Variants in LDHA observed in about 807,000 individuals in gnomAD.
LDHA encodes the protein lactate dehydrogenase A.
LDHA carries 10 observed loss-of-function variants against 36.3 expected under a neutral mutation model. The ratio of observed to expected loss-of-function variants is 0.28; its 90% CI spans 0.17 to 0.47. LDHA has a LOEUF of 0.47. Among genes scored for constraint, LDHA ranks in the 20% least tolerant of loss-of-function variants. The pLI is 0.99. For missense variants in LDHA, 267 were observed against 405.8 expected (o/e 0.66, Z 2.94); for synonymous variants, 110 against 136.7 (o/e 0.80, Z 1.36).
chr11:18,401,955 C>CTCTCTTTTTTTTTTTT (rs59534512), intron 4 of LDHA, among the ~76,000 whole-genome samples: 990 of 52,224 alleles, frequency 0.019, 199 homozygotes, highest in East Asian at 0.039. Flanking sequence ...TTGTTATTCT[C>CTCTCTTTTTTTTTTTT]TTTTTTTTTT....
chr11:18,402,646 G>A, intron 4 of LDHA, 194 bp from the exon 5 acceptor site: 1 of 573,988 alleles, frequency 1.7e-6, no homozygotes, highest in South Asian at 1.9e-5. Context: ...TAGTGTAGAG[G>A]CTTAAAAATA....
In LDHA at chr11:18,396,683, T is replaced by C. The variant is rs534381501; in HGVS notation, c.-24-136T>C. 21 of 1,368,148 alleles carry C rather than the reference T, an allele frequency of 1.5e-5. No homozygotes were observed. In the South Asian group the frequency reaches 3.0e-4, roughly 19 times the overall value. The allele number at this position is 1,368,148 out of a possible 1,614,324, so 84.8% of individuals were successfully genotyped here. On this transcript the variant is annotated intron_variant, in intron 1 of 7. Coordinates refer to ENST00000422447, the MANE Select transcript of LDHA (RefSeq NM_005566.4). Reference sequence around the variant, plus strand: ...CTCTTTTGGCAACCATTAGGTTTTTTCCCCTCCCTTTTTAGTCATCTCTAG... The same window carrying C: ...CTCTTTTGGCAACCATTAGGTTTTTCCCCCTCCCTTTTTAGTCATCTCTAG...
intron 2 of LDHA, chr11:18,399,225 G>A (rs747525711): frequency 1.9e-6 from 1 of 534,248 alleles, no homozygotes. Flanking sequence ...GGGAGACAGG[G>A]CTGGAGAGAG....
At chr11:18,394,940 T>C (rs1866240357) in intron 1 of LDHA, 2 of 345,788 alleles carry the variant, frequency 5.8e-6, no homozygotes, top group African/African-American at 2.2e-5. Context: ...AACAAGGATA[T>C]GATAGGCCTT....
In LDHA at chr11:18,394,723, G is replaced by C. The variant is rs1168536537; in HGVS notation, c.-25+87G>C. 4 of 448,470 alleles carry C rather than the reference G, an allele frequency of 8.9e-6. 1 individual carries two copies. The highest frequency in any genetic ancestry group is 1.8e-5 in the Non-Finnish European group (4 of 222,492). The allele number at this position is 448,470 out of a possible 1,614,324, so 27.8% of individuals were successfully genotyped here. A position where few individuals can be genotyped will look rare whatever the true frequency, so the allele number is the denominator to read the frequency against. On this transcript the variant is annotated intron_variant, in intron 1 of 7. Coordinates refer to ENST00000422447, the MANE Select transcript of LDHA (RefSeq NM_005566.4). Reference sequence around the variant, plus strand: ...GGTTCTGCTGGCCTCCGCTGCTCGCGAAGGGATTCCTGCTCCCGGGAGGTG... The same window carrying C: ...GGTTCTGCTGGCCTCCGCTGCTCGCCAAGGGATTCCTGCTCCCGGGAGGTG...
chr11:18,408,423 T>G lies in LDHA; in HGVS notation c.*1142T>G, dbSNP rs561993066. On this transcript the variant is annotated 3_prime_UTR_variant, in exon 8 of 8. Transcript: ENST00000422447. ...TTTTCTGAAAATACAACTGTGACCC[T>G]TATCCAGGCCTGAAAACCATACTTG... The G allele has an allele frequency of 2.4e-5, 8 of 330,542 alleles. No individual in the cohort carries two copies. Among genetic ancestry groups the G allele is most frequent in the Admixed American group, 1.7e-4 (4 of 23,946 alleles). The allele number at this position is 330,542 out of a possible 1,614,324, so 20.5% of individuals were successfully genotyped here. A position where few individuals can be genotyped will look rare whatever the true frequency, so the allele number is the denominator to read the frequency against.
At chr11:18,404,872 CTTGT>C (rs1368906487) in intron 6 of LDHA, among the ~76,000 whole-genome samples, 1 of 151,854 alleles carries the variant, frequency 6.6e-6, no homozygotes, top group African/African-American at 2.4e-5. Context: ...GCAAGGCCCT[CTTGT>C]TTGTATTTGT....
rs554551193 is a variant in LDHA, at chr11:18,402,103, G to A, written c.419-737G>A. On this transcript the variant is annotated intron_variant, in intron 4 of 7. Transcript: ENST00000422447. ...TCCCAAGAGCTGGGATTACAGGCAC[G>A]TGCCACCATGCTCGGCTAATTTTTG... Among the ~76,000 whole-genome samples the A allele has an allele frequency of 2.5e-4, 38 of 151,386 alleles. 1 individual carries two copies. The highest frequency in any genetic ancestry group is 1.0e-3 in the South Asian group (5 of 4,790).
chr11:18,401,105 T>C, intron 4 of LDHA, 95 bp downstream of exon 4: 1 of 486,054 alleles, frequency 2.1e-6, no homozygotes, highest in Non-Finnish European at 3.1e-6. Context: ...TTTGAAATAT[T>C]TTAAAAAATA....
Position 18,403,763 on chromosome 11 carries a change from A to C in LDHA, c.662A>C (p.Asp221Ala), listed in dbSNP as rs1866579620. The change falls in exon 6 of 8, where the codon GAT (aspartate) becomes GCT (alanine). Residue 221 changes from aspartate to alanine, a missense_variant. Coordinates refer to ENST00000422447, the MANE Select transcript of LDHA (RefSeq NM_005566.4). The stretch of plus-strand genomic sequence containing the variant: ...ACTCTGCACCCAGATTTAGGGACTG[A>C]TAAAGATAAGGAACAGTGGAAAGAG... ...LKTLHPDLGT[D>A]KDKEQWKEVH... 1 of 1,611,462 alleles carries C rather than the reference A, an allele frequency of 6.2e-7. No homozygotes were observed. The highest frequency in any genetic ancestry group is 1.3e-5 in the African/African-American group (1 of 74,898).
chr11:18,402,896 A>G lies in LDHA; in HGVS notation c.475A>G (p.Ile159Val). ...KISGFPKNRV[I>V]GSGCNLDSAR... Reference sequence around the variant, plus strand: ...AAGTGGTTTTCCCAAAAACCGTGTTATTGGAAGCGGTTGCAATCTGGATTC... The same window carrying G: ...AAGTGGTTTTCCCAAAAACCGTGTTGTTGGAAGCGGTTGCAATCTGGATTC... The change falls in exon 5 of 8, where the codon ATT becomes GTT. Residue 159 changes from isoleucine (I) to valine (V), a missense_variant. Physicochemically the swap from Ile to Val is conservative, Grantham distance 29. Coordinates refer to ENST00000422447, the MANE Select transcript of LDHA (RefSeq NM_005566.4). 3 of 1,611,112 alleles carry G rather than the reference A, an allele frequency of 1.9e-6. No homozygotes were observed. Among genetic ancestry groups the G allele is most frequent in the Non-Finnish European group, 2.5e-6 (3 of 1,177,324 alleles).
In LDHA at chr11:18,408,150, G is replaced by A. The variant is rs1160178759; in HGVS notation, c.*869G>A. Reference sequence around the variant, plus strand: ...TAGGCAATGATAGTGTGTCACTATAGGGAACACAGATTTTTGAGATCTTGT... The same window carrying A: ...TAGGCAATGATAGTGTGTCACTATAAGGAACACAGATTTTTGAGATCTTGT... On this transcript the variant is annotated 3_prime_UTR_variant, in exon 8 of 8. Coordinates refer to ENST00000422447, the MANE Select transcript of LDHA (RefSeq NM_005566.4). 1.1e-5 allele frequency: 5 copies of A among 454,034 alleles called. No individual in the cohort carries two copies. Among genetic ancestry groups the A allele is most frequent in the Admixed American group, 9.4e-5 (4 of 42,562 alleles). 28.1% of individuals were successfully genotyped at this position (454,034 alleles called of 1,614,324 possible).
chr11:18,401,069 A>G, intron 4 of LDHA, 59 bp downstream of exon 4: 1 of 559,472 alleles, frequency 1.8e-6, no homozygotes, highest in South Asian at 4.8e-5. Flanking sequence ...AGTATATGAT[A>G]TATATATTAT....
At chr11:18,406,982 G>A (rs1216467581) in intron 7 of LDHA, 135 bp from the exon 8 acceptor site, 1 of 684,740 alleles carries the variant, frequency 1.5e-6, no homozygotes, top group African/African-American at 1.8e-5. Flanking sequence ...CTCCAGCCTG[G>A]GCGACAGAGC....
Position 18,400,786 on chromosome 11 carries a change from T to TAA in LDHA, c.245-48_245-47dup, listed in dbSNP as rs776579959. 4.0e-5 allele frequency: 59 copies of TAA among 1,489,934 alleles called. 2 individuals carry two copies. The South Asian group carries it at 6.2e-4, about 16-fold the overall frequency. 92.3% of individuals were successfully genotyped at this position (1,489,934 alleles called of 1,614,324 possible). ...ATGGAACAAATTTTTGCTGCCTAGG[T>TAA]AAAATTTATTCTAAAGGCCTTAATC... On this transcript the variant is annotated intron_variant, in intron 3 of 7. Transcript: ENST00000422447.
At chr11:18,405,628 A>C in intron 7 of LDHA, 56 bp downstream of exon 7, 2 of 1,577,030 alleles carry the variant, frequency 1.3e-6, no homozygotes, top group Non-Finnish European at 1.7e-6. Flanking sequence ...CTTTTTAAAA[A>C]AGATTCTTCT....
rs1866576661 is a variant in LDHA at position 18,403,687 on chromosome 11, C to G, written c.593-7C>G. 2.7e-6 allele frequency: 4 copies of G among 1,482,498 alleles called. No homozygotes were observed. The highest frequency in any genetic ancestry group is 3.8e-6 in the Non-Finnish European group (4 of 1,060,276). 91.8% of individuals were successfully genotyped at this position (1,482,498 alleles called of 1,614,324 possible). On this transcript the variant is annotated splice_polypyrimidine_tract_variant and splice_region_variant and intron_variant, in intron 5 of 7. Coordinates refer to ENST00000422447, the MANE Select transcript of LDHA (RefSeq NM_005566.4). ...AAAATAAATGTAGTCTGTACTATTT[C>G]TTTTAGTGCCTGTATGGAGTGGAAT... is the stretch of plus-strand genomic sequence containing the variant.
At position 18,396,683 on chromosome 11, in the gene LDHA, T is replaced by TC. The variant is rs1370417626; in HGVS notation, c.-24-132dup. The TC allele has an allele frequency of 1.5e-5, 21 of 1,368,030 alleles. No individual in the cohort carries two copies. The Admixed American group carries it at 5.1e-4, about 34-fold the overall frequency. 84.7% of individuals were successfully genotyped at this position (1,368,030 alleles called of 1,614,324 possible). A position where few individuals can be genotyped will look rare whatever the true frequency, so the allele number is the denominator to read the frequency against. On this transcript the variant is annotated intron_variant, in intron 1 of 7. Coordinates refer to ENST00000422447, the MANE Select transcript of LDHA (RefSeq NM_005566.4). Reference sequence around the variant, plus strand: ...CTCTTTTGGCAACCATTAGGTTTTTTCCCCTCCCTTTTTAGTCATCTCTAG... The same window carrying TC: ...CTCTTTTGGCAACCATTAGGTTTTTTCCCCCTCCCTTTTTAGTCATCTCTAG...
chr11:18,406,317 T>C (rs556270063), intron 7 of LDHA, among the ~76,000 whole-genome samples: 78 of 150,086 alleles, frequency 5.2e-4, no homozygotes, highest in African/African-American at 1.9e-3. Flanking sequence ...GACTGACAGC[T>C]GTAATGCCAG....
Sources: gnomAD v4.1 joint callset for allele counts (sites outside exome capture counted in the v4.1 genomes callset) on GRCh38, gnomAD v4.1.1 for gene constraint, MANE v1.5 for transcripts, NCBI Gene and HGNC (gene_info 2026-07-23, HGNC 2026-07-21) for gene names.